PASK: variants seen among roughly 807,000 people sequenced by gnomAD.
PASK encodes the protein PAS domain containing serine/threonine kinase.
In PASK, 110 loss-of-function variants were observed where a neutral mutation model predicts 121.0. The ratio of observed to expected loss-of-function variants is 0.91; its 90% CI spans 0.78 to 1.06. The LOEUF (loss-of-function observed/expected upper bound fraction) is 1.06, where lower values mean the gene tolerates loss of function less well. Among genes scored for constraint, PASK ranks in the 50% least tolerant of loss-of-function variants. The pLI is 0.00. For synonymous variants in PASK, 686 were observed against 717.8 expected (o/e 0.96, Z 0.71); for missense variants, 1,643 against 1,702.3 (o/e 0.97, Z 0.61).
rs78937745 is a variant in PASK, at chr2:241,129,835, G to A, written c.1464-2384C>T. ...TCAACCCAGGGCAGCCCCAGGGACC[G>A]TAGGTCCTCCAGTGGGGAAGCACCA... On this transcript the variant is annotated intron_variant, in intron 9 of 17. Coordinates refer to ENST00000234040, the MANE Select transcript of PASK (RefSeq NM_015148.4). Among the ~76,000 whole-genome samples, 41 of 152,332 alleles carry A rather than the reference G, an allele frequency of 2.7e-4. No individual in the cohort carries two copies. In the East Asian group the frequency reaches 4.2e-3, roughly 16 times the overall value.
chr2:241,128,740 C>T (rs1020266365), intron 9 of PASK, among the ~76,000 whole-genome samples: 1 of 152,110 alleles, frequency 6.6e-6, no homozygotes, highest in South Asian at 2.1e-4. Flanking sequence ...GTGACACACA[C>T]CTGTAGTCTC....
At chr2:241,114,788 C>A in intron 14 of PASK, 1 of 1,419,838 alleles carries the variant, frequency 7.0e-7, no homozygotes, top group Non-Finnish European at 9.2e-7. Context: ...TGTAAATAAA[C>A]CTTAACCATT....
rs561233635 is a variant in PASK at position 241,125,183 on chromosome 2, C to T, written c.2719+1013G>A. Among the ~76,000 whole-genome samples, 5 of 152,178 alleles carry T rather than the reference C, an allele frequency of 3.3e-5. No homozygotes were observed. In the South Asian group the frequency reaches 8.3e-4, roughly 25 times the overall value. ...GGGTGTGGTGGCACACGCCTGTAGTCCCAGCTACTCAGGAGGCTGGGGCAG... is the reference window on the plus strand; with the variant it reads ...GGGTGTGGTGGCACACGCCTGTAGTTCCAGCTACTCAGGAGGCTGGGGCAG... On this transcript the variant is annotated intron_variant, in intron 10 of 17. Coordinates refer to ENST00000234040, the MANE Select transcript of PASK (RefSeq NM_015148.4).
Position 241,106,571 on chromosome 2 carries a change from T to C in PASK, c.3967A>G (p.Ser1323Gly). ...AAGCAGGAAGAAATTGGTGTTTAGC[T>C]GGTCAGCAGACGGGGATCCCCGGGA... ...LHPGDPRLLT[S>G] is the part of the protein sequence containing the mutation. The change falls in exon 18 of 18, where the codon AGC becomes GGC. Residue 1323 changes from serine (S) to glycine (G), a missense_variant. Around this residue, in one of 3 missense-constraint regions of PASK, gnomAD observed 453 missense variants for 511.2 expected, o/e 0.89. Coordinates refer to ENST00000234040, the MANE Select transcript of PASK (RefSeq NM_015148.4). The C allele has an allele frequency of 1.2e-6, 2 of 1,614,208 alleles. No individual in the cohort carries two copies. The highest frequency in any genetic ancestry group is 8.5e-7 in the Non-Finnish European group (1 of 1,180,018).
intron 2 of PASK, 190 bp from the exon 3 acceptor site, chr2:241,140,943 C>T: frequency 1.6e-6 from 1 of 635,948 alleles, no homozygotes; most frequent in Non-Finnish European, 2.9e-6. Context: ...CTTAGGCAAC[C>T]ACCAGGTCCA....
upstream of PASK, chr2:241,150,337 C>G (rs1483994182): frequency 7.6e-7 from 1 of 1,319,024 alleles, no homozygotes. Context: ...GGCCTCATGA[C>G]GGAACTACAA....
intron 7 of PASK, among the ~76,000 whole-genome samples, chr2:241,136,463 T>TCCTCTGAA (rs1175654605): frequency 1.3e-5 from 2 of 151,906 alleles, no homozygotes; most frequent in Non-Finnish European, 2.9e-5. Context: ...GACAGATGCT[T>TCCTCTGAA]CCTCTGAACC....
chr2:241,135,666 T>C (rs913968136), intron 8 of PASK, among the ~76,000 whole-genome samples: 1 of 151,596 alleles, frequency 6.6e-6, no homozygotes, highest in African/African-American at 2.4e-5. Context: ...TTCTCTATGC[T>C]CATATGTTTA....
In PASK at chr2:241,125,204, G is replaced by C. The variant is rs531911986; in HGVS notation, c.2719+992C>G. Among the ~76,000 whole-genome samples, 6 of 152,196 alleles carry C rather than the reference G, an allele frequency of 3.9e-5. No homozygotes were observed. In the East Asian group the frequency reaches 7.7e-4, roughly 20 times the overall value. ...TAGTCCCAGCTACTCAGGAGGCTGGGGCAGGAGAATCATTTGAACCCAGGA... is the reference window on the plus strand; with the variant it reads ...TAGTCCCAGCTACTCAGGAGGCTGGCGCAGGAGAATCATTTGAACCCAGGA... On this transcript the variant is annotated intron_variant, in intron 10 of 17. Transcript: ENST00000234040.
At chr2:241,129,287 C>T (rs894506437) in intron 9 of PASK, among the ~76,000 whole-genome samples, 11 of 152,202 alleles carry the variant, frequency 7.2e-5, no homozygotes, top group African/African-American at 2.7e-4. Context: ...CTCTTGGGGC[C>T]TTAGCGGGCT....
At position 241,140,616 on chromosome 2, in the gene PASK, G is replaced by A. The variant is rs548770002; in HGVS notation, c.334C>T (p.Arg112Trp). The change falls in exon 3 of 18, where the codon CGG (arginine) becomes TGG (tryptophan). Residue 112 changes from arginine (R) to tryptophan (W), a missense_variant. Physicochemically the swap from Arg to Trp is moderately radical, Grantham distance 101 (BLOSUM62 -3). This residue lies in a region of PASK where 1,176 missense variants were observed against 1,162.2 expected (regional missense o/e 1.01). Transcript: ENST00000234040. ...RGSVSCCSLLRGLSSGWSSPL... is the reference protein window; with the variant it reads ...RGSVSCCSLLWGLSSGWSSPL... Reference sequence around the variant, plus strand: ...GAGGACCACCCTGAGGACAGTCCCCGCAGCAGGGAGCAGCAGGACACACTG... The same window carrying A: ...GAGGACCACCCTGAGGACAGTCCCCACAGCAGGGAGCAGCAGGACACACTG... The A allele has an allele frequency of 2.9e-5, 47 of 1,614,104 alleles. 1 individual carries two copies. Among genetic ancestry groups the A allele is most frequent in the South Asian group, 1.2e-4 (11 of 91,082 alleles).
intron 14 of PASK, chr2:241,113,780 C>T: frequency 2.0e-6 from 2 of 985,472 alleles, no homozygotes; most frequent in Non-Finnish European, 2.4e-6. Flanking sequence ...GCGGCCTGAA[C>T]CAAGCCAGGG....
chr2:241,129,222 G>A (rs1401806375), intron 9 of PASK, among the ~76,000 whole-genome samples: 3 of 152,174 alleles, frequency 2.0e-5, no homozygotes, highest in Admixed American at 2.0e-4. Context: ...AACTTCTGGG[G>A]CACAGTCCAG....
chr2:241,117,924 CTG>C (rs2065444752), intron 12 of PASK, among the ~76,000 whole-genome samples: 1 of 151,956 alleles, frequency 6.6e-6, no homozygotes, highest in Non-Finnish European at 1.5e-5. Context: ...AAAGAAGAAA[CTG>C]GACATAAAAA....
intron 14 of PASK, 87 bp downstream of exon 14, chr2:241,114,956 C>G (rs1439028729): frequency 1.2e-6 from 2 of 1,608,654 alleles, no homozygotes. Flanking sequence ...AGAGAGAGAA[C>G]CGAGTATGGA....
intron 11 of PASK, among the ~76,000 whole-genome samples, chr2:241,123,459 T>C (rs1009053313): frequency 2.0e-5 from 3 of 152,102 alleles, no homozygotes; most frequent in Non-Finnish European, 4.4e-5. Context: ...ATTACAGGCT[T>C]GAGCCACCAT....
intron 1 of PASK, among the ~76,000 whole-genome samples, chr2:241,147,933 T>C (rs1054234365): frequency 5.3e-5 from 8 of 152,064 alleles, no homozygotes; most frequent in African/African-American, 1.9e-4. Context: ...GCATCTGAAG[T>C]CCACGTGGGC....
At chr2:241,143,387 T>C (rs2066803769) in intron 1 of PASK, among the ~76,000 whole-genome samples, 1 of 151,846 alleles carries the variant, frequency 6.6e-6, no homozygotes, top group Non-Finnish European at 1.5e-5. Context: ...CCGTCTCCAC[T>C]AAAAATACAA....
rs2065670095 is a variant in PASK, at chr2:241,122,728, T to A, written c.3072+4A>T. 1.9e-6 allele frequency: 3 copies of A among 1,613,536 alleles called. No homozygotes were observed. Among genetic ancestry groups the A allele is most frequent in the Non-Finnish European group, 1.7e-6 (2 of 1,179,560 alleles). On this transcript the variant is annotated splice_donor_region_variant and intron_variant, in intron 12 of 17. Transcript: ENST00000234040. ...GCGCCACTCCCCCCCCACAGCCAGG[T>A]TACCTCCTTGTTTTTTTCCTTGTCC...
Sources: gnomAD v4.1 joint callset for allele counts (sites outside exome capture counted in the v4.1 genomes callset) on GRCh38, gnomAD v4.1.1 for gene constraint, gnomAD v4.1.1 regional missense constraint, MANE v1.5 for transcripts, NCBI Gene and HGNC (gene_info 2026-07-23, HGNC 2026-07-21) for gene names.